Variants in SNX29 observed in about 807,000 individuals in gnomAD.
SNX29 encodes sorting nexin-29.
Under a neutral mutation model 102.1 loss-of-function variants are expected in SNX29, and 78 were observed. That is an observed-to-expected ratio of 0.76 (90% CI 0.64 to 0.92). The LOEUF is 0.92. Among genes scored for constraint, SNX29 ranks in the 40% least tolerant of loss-of-function variants. SNX29 has a pLI of 0.00. For synonymous variants in SNX29, 580 were observed against 414.5 expected (o/e 1.40, Z -4.85); for missense variants, 1,280 against 1,061.7 (o/e 1.21, Z -2.86).
intron 15 of SNX29, among the ~76,000 whole-genome samples, chr16:12,284,780 A>C (rs949794385): frequency 6.6e-6 from 1 of 151,538 alleles, no homozygotes. Flanking sequence ...GCTGGAGGGC[A>C]ATGGCACAAT....
chr16:12,377,882 C>A (rs965959361), intron 16 of SNX29, among the ~76,000 whole-genome samples: 1 of 152,154 alleles, frequency 6.6e-6, no homozygotes, highest in African/African-American at 2.4e-5. Flanking sequence ...CTCTCCTTGG[C>A]AACAGGGATT....
chr16:12,567,599 C>G (rs372791178), intron 20 of SNX29, among the ~76,000 whole-genome samples: 5 of 152,012 alleles, frequency 3.3e-5, no homozygotes, highest in Non-Finnish European at 7.4e-5. Context: ...AAGACCCCAT[C>G]TCTACAAAAA....
At chr16:12,491,937 C>G (rs1008154654) in intron 19 of SNX29, among the ~76,000 whole-genome samples, 1 of 152,172 alleles carries the variant, frequency 6.6e-6, no homozygotes, top group Non-Finnish European at 1.5e-5. Flanking sequence ...CGTTGTTGGA[C>G]ATTCGGGTTG....
intron 13 of SNX29, among the ~76,000 whole-genome samples, chr16:12,157,973 C>G (rs1306705034): frequency 1.3e-5 from 2 of 152,208 alleles, no homozygotes; most frequent in African/African-American, 4.8e-5. Context: ...CCCAGCATCC[C>G]AGACTTGTAT....
At chr16:12,254,457 C>T (rs1261666304) in intron 14 of SNX29, among the ~76,000 whole-genome samples, 1 of 152,102 alleles carries the variant, frequency 6.6e-6, no homozygotes, top group Non-Finnish European at 1.5e-5. Flanking sequence ...TGAGACCAGC[C>T]TGGCCATCCC....
At chr16:12,219,976 T>C (rs1388859180) in intron 14 of SNX29, among the ~76,000 whole-genome samples, 2 of 152,192 alleles carry the variant, frequency 1.3e-5, no homozygotes, top group African/African-American at 2.4e-5. Flanking sequence ...CCGGTACCTG[T>C]CCCGGCCTCA....
intron 11 of SNX29, among the ~76,000 whole-genome samples, chr16:12,122,438 C>A (rs11075054): frequency 0.15 from 22,861 of 151,944 alleles, 1,957 homozygotes; most frequent in Middle Eastern, 0.24. Flanking sequence ...CACGGACTCC[C>A]ACGACTGCTA....
At chr16:12,563,936 T>C (rs1000932851) in intron 20 of SNX29, among the ~76,000 whole-genome samples, 22 of 152,234 alleles carry the variant, frequency 1.4e-4, no homozygotes, top group African/African-American at 5.3e-4. Flanking sequence ...ACCTAGACGC[T>C]GATCTTGTTC....
chr16:12,235,895 CTGAA>C (rs916776614), intron 14 of SNX29, among the ~76,000 whole-genome samples: 1 of 151,922 alleles, frequency 6.6e-6, no homozygotes, highest in Non-Finnish European at 1.5e-5. Flanking sequence ...CCTTAGGAAA[CTGAA>C]TGGTAACAGG....
At chr16:12,376,351 T>G (rs372291294) in intron 16 of SNX29, among the ~76,000 whole-genome samples, 1 of 152,232 alleles carries the variant, frequency 6.6e-6, no homozygotes, top group East Asian at 1.9e-4. Flanking sequence ...CAACCGTGTT[T>G]GCACTGTACT....
chr16:12,323,287 C>T (rs1467894479), intron 15 of SNX29, among the ~76,000 whole-genome samples: 3 of 151,744 alleles, frequency 2.0e-5, no homozygotes, highest in Admixed American at 2.0e-4. Context: ...ATTTTAATGT[C>T]GTTACTTTGA....
chr16:12,572,097 G>A lies in SNX29; in HGVS notation c.*3468G>A, dbSNP rs896157085. The stretch of plus-strand genomic sequence containing the variant: ...CTAGGAAGAGGAAGGGGAGGGATGT[G>A]GACTGGGTCTGATCACAGCCCTTGG... On this transcript the variant is annotated 3_prime_UTR_variant, in exon 21 of 21. Coordinates refer to ENST00000566228, the MANE Select transcript of SNX29 (RefSeq NM_032167.5). 1.0e-5 allele frequency: 11 copies of A among 1,060,428 alleles called. No individual in the cohort carries two copies. Among genetic ancestry groups the A allele is most frequent in the South Asian group, 4.6e-5 (1 of 21,906 alleles). 65.7% of individuals were successfully genotyped at this position (1,060,428 alleles called of 1,614,324 possible). A position where few individuals can be genotyped will look rare whatever the true frequency, so the allele number is the denominator to read the frequency against.
intron 14 of SNX29, among the ~76,000 whole-genome samples, chr16:12,263,372 C>A (rs948254741): frequency 1.3e-5 from 2 of 152,158 alleles, no homozygotes; most frequent in Admixed American, 1.3e-4. Flanking sequence ...AGGTGGCCCG[C>A]CCGCCTTGGC....
intron 8 of SNX29, 101 bp downstream of exon 8, chr16:12,052,323 TCTC>T (rs2050342340): frequency 7.4e-7 from 1 of 1,358,198 alleles, no homozygotes. Flanking sequence ...TTCAAGCTAT[TCTC>T]CTGCCTCAGC....
intron 13 of SNX29, among the ~76,000 whole-genome samples, chr16:12,132,192 G>A (rs2054495396): frequency 2.0e-5 from 3 of 151,112 alleles, no homozygotes; most frequent in Non-Finnish European, 2.9e-5. Context: ...TCTGCCTCCC[G>A]GGTTCAGGTG....
rs542377294 is a variant in SNX29 at position 12,568,724 on chromosome 16, C to G, written c.*95C>G. 3 of 1,509,468 alleles carry G rather than the reference C, an allele frequency of 2.0e-6. No homozygotes were observed. The South Asian group carries it at 3.7e-5, about 19-fold the overall frequency. 93.5% of individuals were successfully genotyped at this position (1,509,468 alleles called of 1,614,324 possible). A position where few individuals can be genotyped will look rare whatever the true frequency, so the allele number is the denominator to read the frequency against. On this transcript the variant is annotated 3_prime_UTR_variant, in exon 21 of 21. Coordinates refer to ENST00000566228, the MANE Select transcript of SNX29 (RefSeq NM_032167.5). ...GCCCCTCACCTCAGCGTGACAACCA[C>G]GTCCACCTGGTGATCCTGAGAGCAC...
At chr16:12,161,985 TGTC>T (rs1386147056) in intron 13 of SNX29, among the ~76,000 whole-genome samples, 1 of 152,196 alleles carries the variant, frequency 6.6e-6, no homozygotes, top group Non-Finnish European at 1.5e-5. Flanking sequence ...TTTCCACAAT[TGTC>T]GGCCCCCGAA....
rs915400731 is a variant in SNX29 at position 12,572,641 on chromosome 16, C to T, written c.*4012C>T. On this transcript the variant is annotated 3_prime_UTR_variant, in exon 21 of 21. Transcript: ENST00000566228. ...CCCCCAGAATCCATCCTTCATTCCTCCACCAAGCTCCTGTGTGAGCTGCAG... is the reference window on the plus strand; with the variant it reads ...CCCCCAGAATCCATCCTTCATTCCTTCACCAAGCTCCTGTGTGAGCTGCAG... The T allele has an allele frequency of 1.9e-6, 2 of 1,063,838 alleles. No individual in the cohort carries two copies. Among genetic ancestry groups the T allele is most frequent in the Non-Finnish European group, 2.3e-6 (2 of 878,362 alleles). 65.9% of individuals were successfully genotyped at this position (1,063,838 alleles called of 1,614,324 possible).
At chr16:12,538,984 G>A (rs971923862) in intron 20 of SNX29, among the ~76,000 whole-genome samples, 2 of 152,192 alleles carry the variant, frequency 1.3e-5, no homozygotes, top group Admixed American at 6.5e-5. Flanking sequence ...ATAGGGAGAA[G>A]ATAGAACAGA....
Sources: allele counts gnomAD v4.1 joint callset (sites outside exome capture counted in the v4.1 genomes callset), GRCh38; gene constraint gnomAD v4.1.1; transcripts MANE v1.5; gene names NCBI Gene and HGNC (gene_info 2026-07-23, HGNC 2026-07-21).